Variants in DOK7 observed in about 807,000 individuals in gnomAD.
The protein encoded by DOK7 is docking protein 7, also known as protein Dok-7.
A neutral mutation model predicts 30.7 loss-of-function variants in DOK7; 32 were observed. The ratio of observed to expected loss-of-function variants is 1.04; its 90% CI spans 0.79 to 1.40. The LOEUF (loss-of-function observed/expected upper bound fraction) is 1.40, where lower values mean the gene tolerates loss of function less well. Ranked by LOEUF, DOK7 falls within the 40% of genes most tolerant of loss-of-function variation. DOK7 has a pLI of 0.00. For missense variants in DOK7, 1,007 were observed against 699.2 expected (o/e 1.44, Z -4.97); for synonymous variants, 447 against 324.1 (o/e 1.38, Z -4.07).
chr4:3,479,951 C>T (rs1257812243), intron 4 of DOK7, among the ~76,000 whole-genome samples: 1 of 152,262 alleles, frequency 6.6e-6, no homozygotes, highest in Non-Finnish European at 1.5e-5. Flanking sequence ...CAGCTCAGGT[C>T]TGCAGGCTCC....
intron 2 of DOK7, among the ~76,000 whole-genome samples, chr4:3,468,750 CTG>C (rs950895255): frequency 1.4e-4 from 12 of 87,888 alleles, no homozygotes; most frequent in Middle Eastern, 0.011. Flanking sequence ...GTGTATGTGT[CTG>C]TGTGCGTGTG....
intron 5 of DOK7, among the ~76,000 whole-genome samples, 200 bp downstream of exon 5, chr4:3,485,858 G>T (rs973374190): frequency 3.9e-5 from 6 of 152,244 alleles, no homozygotes; most frequent in Non-Finnish European, 7.3e-5. Context: ...GAGCAGCGGG[G>T]GCTGGGCTCG....
rs750304232 is a variant in DOK7, at chr4:3,493,450, C to G, written c.1464C>G (p.Phe488Leu). 7 of 1,609,658 alleles carry G rather than the reference C, an allele frequency of 4.3e-6. No individual in the cohort carries two copies. In the African/African-American group the frequency reaches 9.3e-5, roughly 21 times the overall value. ...CCCACGCGGGGCCACCCCCGGCTTT[C>G]TTTTCGGCATGTCCAGTCTGTGGAG... ...GGPHAGPPPA[F>L]FSACPVCGGL... The change falls in exon 7 of 7, where the codon TTC becomes TTG. Residue 488 changes from phenylalanine to leucine, a missense_variant. Transcript: ENST00000340083.
At position 3,493,835 on chromosome 4, in the gene DOK7, A is replaced by G. The variant is rs377079102; in HGVS notation, c.*334A>G. 620 of 1,206,552 alleles carry G rather than the reference A, an allele frequency of 5.1e-4. 1 individual carries two copies. In the African/African-American group the frequency reaches 9.0e-3, roughly 17 times the overall value. 74.7% of individuals were successfully genotyped at this position (1,206,552 alleles called of 1,614,324 possible). ...GGCTCGTGCCTTGCACTGGGGTGCC[A>G]AGGGCTGGAGGCCCTGCCGCTGGCC... On this transcript the variant is annotated 3_prime_UTR_variant, in exon 7 of 7. Coordinates refer to ENST00000340083, the MANE Select transcript of DOK7 (RefSeq NM_173660.5).
At chr4:3,475,830 C>T (rs535942245) in intron 3 of DOK7, among the ~76,000 whole-genome samples, 2 of 152,242 alleles carry the variant, frequency 1.3e-5, no homozygotes, top group Non-Finnish European at 2.9e-5. Flanking sequence ...CTGCCCTGTC[C>T]TCCCTAGCAC....
downstream of DOK7, among the ~76,000 whole-genome samples, chr4:3,497,136 G>T (rs1357659219): frequency 6.6e-6 from 1 of 152,108 alleles, no homozygotes; most frequent in Non-Finnish European, 1.5e-5. Flanking sequence ...AGGGCAGTGG[G>T]TAGAGGGCAG....
At chr4:3,496,857 A>T (rs1334709496), downstream of DOK7, 1 of 1,520,614 alleles carries the variant, frequency 6.6e-7, no homozygotes, top group Admixed American at 2.0e-5. Flanking sequence ...GCGACAGCAC[A>T]TTCAGGTAGG....
intron 2 of DOK7, among the ~76,000 whole-genome samples, chr4:3,471,625 G>A (rs561697504): frequency 2.0e-5 from 3 of 152,362 alleles, no homozygotes; most frequent in South Asian, 2.1e-4. Flanking sequence ...CCCACACACC[G>A]TCATTTCTTG....
Position 3,485,498 on chromosome 4 carries a change from CCCTCGGGCCAGACTGACCTGTCTCTGT to C in DOK7, c.533-37_533-11del. 9 of 1,496,918 alleles carry C rather than the reference CCCTCGGGCCAGACTGACCTGTCTCTGT, an allele frequency of 6.0e-6. No homozygotes were observed. Among genetic ancestry groups the C allele is most frequent in the Non-Finnish European group, 8.1e-6 (9 of 1,114,940 alleles). 92.7% of individuals were successfully genotyped at this position (1,496,918 alleles called of 1,614,324 possible). ...CCTCCTCTTCAGGGTCCCCAGCCCG[CCCTCGGGCCAGACTGACCTGTCTCTGT>C]CCTTCCTCTGCAGGGGCTGGCGTCT... On this transcript the variant is annotated splice_polypyrimidine_tract_variant and intron_variant, in intron 4 of 6. Transcript: ENST00000340083.
chr4:3,475,128 T>G (rs1726988092), intron 3 of DOK7, among the ~76,000 whole-genome samples: 4 of 151,688 alleles, frequency 2.6e-5, no homozygotes, highest in Admixed American at 2.6e-4. Flanking sequence ...TGGGAGGAGG[T>G]GCGGTTGGCT....
At chr4:3,489,838 G>A in intron 6 of DOK7, 42 bp downstream of exon 6, 6 of 1,556,048 alleles carry the variant, frequency 3.9e-6, no homozygotes, top group Middle Eastern at 1.7e-4. Flanking sequence ...CCTCGGCTAA[G>A]CCTCCAGCAG....
At chr4:3,500,531 G>A (rs1443464255) in intron 7 of DOK7, 2 of 1,476,932 alleles carry the variant, frequency 1.4e-6, no homozygotes, top group Non-Finnish European at 1.8e-6. Context: ...CCCCCCAGGA[G>A]GCAAATGTCC....
At chr4:3,483,831 G>T (rs980045050) in intron 4 of DOK7, among the ~76,000 whole-genome samples, 6 of 152,210 alleles carry the variant, frequency 3.9e-5, no homozygotes, top group Admixed American at 2.6e-4. Context: ...CCAGCCAGCA[G>T]ACAGCATGAC....
At chr4:3,497,767 G>A (rs966079731), downstream of DOK7, among the ~76,000 whole-genome samples, 1 of 152,076 alleles carries the variant, frequency 6.6e-6, no homozygotes, top group African/African-American at 2.4e-5. Flanking sequence ...CAGGCAGGCA[G>A]GGGCAGCTTG....
intron 4 of DOK7, chr4:3,484,597 C>T (rs1458249457): frequency 9.1e-6 from 9 of 985,376 alleles, no homozygotes; most frequent in Middle Eastern, 5.2e-4. Context: ...GCAGCGCCCC[C>T]GTGACTCGCA....
At chr4:3,466,078 G>A (rs962195289) in intron 2 of DOK7, among the ~76,000 whole-genome samples, 1 of 152,150 alleles carries the variant, frequency 6.6e-6, no homozygotes, top group African/African-American at 2.4e-5. Context: ...GAGGGCCCGA[G>A]TCCTGGAGCT....
rs773592493 is a variant in DOK7, at chr4:3,493,432, G to A, written c.1446G>A (p.Ala482=). Residue 482 remains alanine, a synonymous_variant, in exon 7 of 7, where the codon GCG becomes GCA. Coordinates refer to ENST00000340083, the MANE Select transcript of DOK7 (RefSeq NM_173660.5). ...CCTGGGAAGCAGGCGGCCCCCACGC[G>A]GGGCCACCCCCGGCTTTCTTTTCGG... is the stretch of plus-strand genomic sequence containing the variant. ...GEPWEAGGPH[A]GPPPAFFSAC... The A allele has an allele frequency of 1.7e-5, 28 of 1,604,482 alleles. No homozygotes were observed. Among genetic ancestry groups the A allele is most frequent in the South Asian group, 2.2e-5 (2 of 90,024 alleles).
chr4:3,472,042 G>C (rs376769683), intron 2 of DOK7, among the ~76,000 whole-genome samples: 1 of 152,246 alleles, frequency 6.6e-6, no homozygotes, highest in Non-Finnish European at 1.5e-5. Context: ...AGTAGTGGCC[G>C]CAGAGCCTGT....
At chr4:3,486,869 G>A (rs2109377204) in intron 5 of DOK7, among the ~76,000 whole-genome samples, 1 of 152,242 alleles carries the variant, frequency 6.6e-6, no homozygotes, top group East Asian at 1.9e-4. Context: ...CCGGGCAGGG[G>A]CAGCAGGAGG....
Sources: gnomAD v4.1 joint callset for allele counts (sites outside exome capture counted in the v4.1 genomes callset) on GRCh38, gnomAD v4.1.1 for gene constraint, MANE v1.5 for transcripts, NCBI Gene and HGNC (gene_info 2026-07-23, HGNC 2026-07-21) for gene names.